Variants in RSRP1 observed in about 807,000 individuals in gnomAD.
The protein encoded by RSRP1 is arginine/serine-rich protein 1.
RSRP1 carries 37 observed loss-of-function variants against 33.0 expected under a neutral mutation model. The ratio of observed to expected loss-of-function variants is 1.12; its 90% CI spans 0.86 to 1.48. The LOEUF is 1.48. Ranked by LOEUF, RSRP1 falls within the 40% of genes most tolerant of loss-of-function variation. The pLI, the probability that RSRP1 is intolerant of heterozygous loss-of-function variation, is 0.00. For synonymous variants in RSRP1, 167 were observed against 158.7 expected (o/e 1.05, Z -0.40); for missense variants, 402 against 385.3 (o/e 1.04, Z -0.36).
chr1:25,301,676 A>T, intron 1 of RSRP1: 1 of 1,379,620 alleles, frequency 7.2e-7, no homozygotes, highest in Middle Eastern at 1.8e-4. Flanking sequence ...CCCCAAGGGA[A>T]GATCAGCAAG....
At chr1:25,293,575 C>T (rs1642695443) in intron 1 of RSRP1, among the ~76,000 whole-genome samples, 1 of 131,166 alleles carries the variant, frequency 7.6e-6, no homozygotes, top group South Asian at 2.3e-4. Flanking sequence ...TTAAATGGAA[C>T]TTCTGTATCT....
At chr1:25,287,142 T>G (rs1416254382) in intron 1 of RSRP1, among the ~76,000 whole-genome samples, 1 of 134,824 alleles carries the variant, frequency 7.4e-6, no homozygotes, top group Non-Finnish European at 1.8e-5. Flanking sequence ...CCACCAGAAT[T>G]CAATACACAC....
rs1644660220 is a variant in RSRP1 at position 25,320,872 on chromosome 1, T to C, written c.-67+17106A>G. Among the ~76,000 whole-genome samples the C allele has an allele frequency of 1.5e-5, 2 of 130,418 alleles. 1 individual carries two copies. Among genetic ancestry groups the C allele is most frequent in the Admixed American group, 1.5e-4 (2 of 13,308 alleles). 85.6% of individuals were successfully genotyped at this position (130,418 alleles called of 152,430 possible). On this transcript the variant is annotated intron_variant, in intron 1 of 1. Transcript: ENST00000561867. ...GCCTGGGCAACATGGCTAAGTCCTG[T>C]CTCTGCAAAAAATACCAAAAACTGA...
chr1:25,304,397 A>C (rs1189215593), intron 1 of RSRP1: 1 of 127,472 alleles, frequency 7.8e-6, no homozygotes, highest in East Asian at 2.0e-4. Context: ...TCAGGAGTTC[A>C]AGACCAGCCT....
chr1:25,277,979 G>A (rs1641163136), intron 1 of RSRP1, among the ~76,000 whole-genome samples: 1 of 132,630 alleles, frequency 7.5e-6, no homozygotes, highest in African/African-American at 2.6e-5. Context: ...TGGCCCAAAA[G>A]CTTTAATTTC....
At position 25,242,425 on chromosome 1, in the gene RSRP1, A is replaced by C; in HGVS notation, c.*164T>G. On this transcript the variant is annotated 3_prime_UTR_variant, in exon 5 of 5. Coordinates refer to ENST00000243189, the MANE Select transcript of RSRP1 (RefSeq NM_020317.5). ...GCTATCTCTCATATCTGCAAGAGAA[A>C]CCTAAAATGTTAATATTTGAGTGTT... is the stretch of plus-strand genomic sequence containing the variant. 3.8e-6 allele frequency: 2 copies of C among 531,960 alleles called. No individual in the cohort carries two copies. Among genetic ancestry groups the C allele is most frequent in the South Asian group, 5.6e-5 (2 of 35,828 alleles). The allele number at this position is 531,960 out of a possible 1,614,324, so 33.0% of individuals were successfully genotyped here. A position where few individuals can be genotyped will look rare whatever the true frequency, so the allele number is the denominator to read the frequency against.
At position 25,277,465 on chromosome 1, in the gene RSRP1, C is replaced by A. The variant is rs1270699575; in HGVS notation, c.-66-30436G>T. Among the ~76,000 whole-genome samples the A allele has an allele frequency of 3.0e-5, 4 of 133,316 alleles. 2 individuals carry two copies. Among genetic ancestry groups the A allele is most frequent in the Non-Finnish European group, 7.1e-5 (4 of 56,158 alleles). 87.5% of individuals were successfully genotyped at this position (133,316 alleles called of 152,430 possible). ...CCCAGCAGTCTGTGTTTTCACAAGCCCTCTTGGTGATTCTTCTGTGCATGA... is the reference window on the plus strand; with the variant it reads ...CCCAGCAGTCTGTGTTTTCACAAGCACTCTTGGTGATTCTTCTGTGCATGA... On this transcript the variant is annotated intron_variant, in intron 1 of 1. Transcript: ENST00000561867.
chr1:25,260,513 A>G (rs1640098495), intron 1 of RSRP1, among the ~76,000 whole-genome samples: 1 of 152,238 alleles, frequency 6.6e-6, no homozygotes, highest in South Asian at 2.1e-4. Context: ...CTGTGTGTAT[A>G]TCCTCATTGT....
chr1:25,280,279 C>G (rs1641360122), intron 1 of RSRP1, among the ~76,000 whole-genome samples: 1 of 126,672 alleles, frequency 7.9e-6, no homozygotes, highest in Non-Finnish European at 1.8e-5. Flanking sequence ...AATAAAGCCC[C>G]CACCCAGGAT....
In RSRP1 at chr1:25,277,920, C is replaced by T. The variant is rs1316995584; in HGVS notation, c.-66-30891G>A. Among the ~76,000 whole-genome samples the T allele has an allele frequency of 3.0e-5, 4 of 133,104 alleles. 1 individual carries two copies. Among genetic ancestry groups the T allele is most frequent in the Admixed American group, 7.3e-5 (1 of 13,750 alleles). The allele number at this position is 133,104 out of a possible 152,430, so 87.3% of individuals were successfully genotyped here. On this transcript the variant is annotated intron_variant, in intron 1 of 1. Coordinates refer to the RSRP1 transcript ENST00000561867. ...AACTCCCAACCTCAGGTGATGCACC[C>T]GCCTTGGCCTCCCAAAGTGCTGGGA...
Position 25,302,269 on chromosome 1 carries a change from G to C in RSRP1, c.-67+35709C>G, listed in dbSNP as rs188709226. Among the ~76,000 whole-genome samples, 55 of 130,384 alleles carry C rather than the reference G, an allele frequency of 4.2e-4. 7 individuals carry two copies. The highest frequency in any genetic ancestry group is 1.3e-3 in the African/African-American group (48 of 37,644). The allele number at this position is 130,384 out of a possible 152,430, so 85.5% of individuals were successfully genotyped here. On this transcript the variant is annotated intron_variant, in intron 1 of 1. Coordinates refer to the RSRP1 transcript ENST00000561867. The stretch of plus-strand genomic sequence containing the variant: ...AGAGACGATGGTGTGTGTGAGTCTT[G>C]TGGGCAGAGATGGGTGAGAGGGGAG...
chr1:25,338,197 C>G (rs561442587), upstream of RSRP1: 27 of 152,260 alleles, frequency 1.8e-4, no homozygotes, highest in African/African-American at 6.0e-4. Context: ...AGCTGTGAAC[C>G]CAGAGCGGCG....
chr1:25,282,767 C>T lies in RSRP1; in HGVS notation c.-66-35738G>A, dbSNP rs1427891980. Among the ~76,000 whole-genome samples, 2 of 130,276 alleles carry T rather than the reference C, an allele frequency of 1.5e-5. 1 individual carries two copies. The highest frequency in any genetic ancestry group is 3.6e-5 in the Non-Finnish European group (2 of 55,042). The allele number at this position is 130,276 out of a possible 152,430, so 85.5% of individuals were successfully genotyped here. On this transcript the variant is annotated intron_variant, in intron 1 of 1. Transcript: ENST00000561867. ...ATTAGCCAGGCGTGGTGGCGCGCGC[C>T]TGTGGTTCCCACTGAAGCACAGGAG...
chr1:25,249,233 G>C, upstream of RSRP1, among the ~76,000 whole-genome samples: 1 of 151,576 alleles, frequency 6.6e-6, no homozygotes, highest in South Asian at 2.1e-4. Context: ...GTATACTTAC[G>C]ATACAGTTTT....
rs1452428954 is a variant in RSRP1 at position 25,328,868 on chromosome 1, G to T, written c.-67+9110C>A. ...CCAAAATCAGTATGTGGGTTCATCT[G>T]CAATAAAAATGTTTGTTTTGCTTTT... is the stretch of plus-strand genomic sequence containing the variant. On this transcript the variant is annotated intron_variant, in intron 1 of 1. Transcript: ENST00000561867. 3.8e-6 allele frequency: 4 copies of T among 1,063,556 alleles called. 1 individual carries two copies. The Middle Eastern group carries it at 7.4e-4, about 198-fold the overall frequency. 65.9% of individuals were successfully genotyped at this position (1,063,556 alleles called of 1,614,324 possible). A position where few individuals can be genotyped will look rare whatever the true frequency, so the allele number is the denominator to read the frequency against.
intron 1 of RSRP1, among the ~76,000 whole-genome samples, chr1:25,263,050 G>A (rs1170426138): frequency 2.0e-5 from 3 of 152,224 alleles, no homozygotes; most frequent in Non-Finnish European, 4.4e-5. Flanking sequence ...AAGACAGTGT[G>A]TGAAGGAAGG....
intron 1 of RSRP1, among the ~76,000 whole-genome samples, chr1:25,332,163 T>A (rs1427908810): frequency 7.9e-6 from 1 of 125,822 alleles, no homozygotes; most frequent in African/African-American, 2.7e-5. Context: ...CTGCCTCCCG[T>A]GTAGCTGGGA....
intron 1 of RSRP1, among the ~76,000 whole-genome samples, chr1:25,293,776 T>C (rs1642713001): frequency 7.6e-6 from 1 of 132,240 alleles, no homozygotes; most frequent in African/African-American, 2.6e-5. Context: ...GAATTAAGAG[T>C]ATTTCCCTTT....
rs151077941 is a variant in RSRP1, at chr1:25,318,480, G to C, written c.-67+19498C>G. On this transcript the variant is annotated intron_variant, in intron 1 of 1. Transcript: ENST00000561867. The stretch of plus-strand genomic sequence containing the variant: ...GCGTGTGCCTGTAGTCCCAGCTACT[G>C]GGGAGGCTGAAGTAGGGGAATGGCT... 1.3e-4 allele frequency among the ~76,000 whole-genome samples: 17 copies of C among 130,684 alleles called. 1 individual carries two copies. The East Asian group carries it at 1.4e-3, about 11-fold the overall frequency. 85.7% of individuals were successfully genotyped at this position (130,684 alleles called of 152,430 possible). A position where few individuals can be genotyped will look rare whatever the true frequency, so the allele number is the denominator to read the frequency against.
Sources: gnomAD v4.1 joint callset for allele counts (sites outside exome capture counted in the v4.1 genomes callset) on GRCh38, gnomAD v4.1.1 for gene constraint, MANE v1.5 for transcripts, NCBI Gene and HGNC (gene_info 2026-07-23, HGNC 2026-07-21) for gene names.